The following SLC25A48 variants were observed in gnomAD, a reference collection of about 807,000 sequenced individuals.
SLC25A48 encodes solute carrier family 25 member 48, also known as CTC-321K16.1.
A neutral mutation model predicts 32.2 loss-of-function variants in SLC25A48; 29 were observed. That is an observed-to-expected ratio of 0.90 (90% CI 0.67 to 1.23). The LOEUF (loss-of-function observed/expected upper bound fraction) is 1.23, where lower values mean the gene tolerates loss of function less well. Among genes scored for constraint, SLC25A48 ranks in the 50% most tolerant of loss-of-function variants. The probability of loss-of-function intolerance (pLI) is 0.00; values close to 1 mark genes in which losing one functional copy is unlikely to be tolerated. For synonymous variants in SLC25A48, 164 were observed against 172.3 expected, an observed-to-expected ratio of 0.95 and a Z score of 0.38; for missense variants, 399 against 422.7, an observed-to-expected ratio of 0.94 and a Z score of 0.49.
chr5:135,683,680 C>T (rs753466839), intron 3 of SLC25A48, among the ~76,000 whole-genome samples: 2 of 152,162 alleles, frequency 1.3e-5, no homozygotes, highest in Admixed American at 1.3e-4. Context: ...GGTCATCCCA[C>T]CATCGTCAAA....
In SLC25A48 at chr5:135,695,241, C is replaced by T. The variant is rs1754238166; in HGVS notation, c.-521+60285C>T. Among the ~76,000 whole-genome samples the T allele has an allele frequency of 2.0e-5, 3 of 152,342 alleles. No homozygotes were observed. The South Asian group carries it at 6.2e-4, about 32-fold the overall frequency. On this transcript the variant is annotated intron_variant, in intron 3 of 10. Transcript: ENST00000646290. Reference sequence around the variant, plus strand: ...AGTCTGAGGTAGTGGCCTTCCCTTCCTCCAAAACCCTTCTGTGCTATTGCC... The same window carrying T: ...AGTCTGAGGTAGTGGCCTTCCCTTCTTCCAAAACCCTTCTGTGCTATTGCC...
At chr5:135,679,128 C>T (rs1753835390) in intron 3 of SLC25A48, among the ~76,000 whole-genome samples, 1 of 152,062 alleles carries the variant, frequency 6.6e-6, no homozygotes, top group African/African-American at 2.4e-5. Context: ...TGAGACTAAC[C>T]TCTGGGTCCC....
chr5:135,729,398 C>G (rs1326246100), intron 3 of SLC25A48, among the ~76,000 whole-genome samples: 1 of 151,630 alleles, frequency 6.6e-6, no homozygotes, highest in Non-Finnish European at 1.5e-5. Flanking sequence ...ATTTGCTTGA[C>G]TTTCTAGTGG....
intron 1 of SLC25A48, among the ~76,000 whole-genome samples, chr5:135,835,363 G>GA (rs146148125): frequency 0.14 from 21,121 of 152,196 alleles, 1,877 homozygotes; most frequent in Middle Eastern, 0.2. Context: ...CGACTGGAGG[G>GA]AGCAGAGCTC....
chr5:135,729,644 C>T (rs546055817), intron 3 of SLC25A48, among the ~76,000 whole-genome samples: 10 of 152,226 alleles, frequency 6.6e-5, no homozygotes, highest in African/African-American at 2.4e-4. Context: ...ATGATGACCC[C>T]ATGGATACCT....
intron 1 of SLC25A48, among the ~76,000 whole-genome samples, chr5:135,601,874 C>A (rs940580780): frequency 6.6e-6 from 1 of 152,332 alleles, no homozygotes; most frequent in South Asian, 2.1e-4. Context: ...TCAGTGACCC[C>A]GGGTGGTCAC....
chr5:135,703,353 A>G (rs1408523295), intron 3 of SLC25A48, among the ~76,000 whole-genome samples: 2 of 152,178 alleles, frequency 1.3e-5, no homozygotes, highest in Non-Finnish European at 2.9e-5. Flanking sequence ...ACGGCAGCCC[A>G]GTGAGGCCTC....
At chr5:135,724,947 C>A (rs1402927252) in intron 3 of SLC25A48, among the ~76,000 whole-genome samples, 1 of 152,246 alleles carries the variant, frequency 6.6e-6, no homozygotes, top group Non-Finnish European at 1.5e-5. Context: ...CAGGGCCCAG[C>A]CCAGCCTTGG....
intron 3 of SLC25A48, among the ~76,000 whole-genome samples, chr5:135,669,299 G>C (rs1753598071): frequency 6.6e-6 from 1 of 152,132 alleles, no homozygotes; most frequent in African/African-American, 2.4e-5. Flanking sequence ...CTGGGGCCTG[G>C]AGGTGGGAAA....
At chr5:135,634,950 C>T (rs901039002) in exon 3 of SLC25A48, 2 of 152,172 alleles carry the variant, frequency 1.3e-5, no homozygotes, top group African/African-American at 4.8e-5. Context: ...CAAGTGTCAC[C>T]CAGGCAGTGA....
intron 3 of SLC25A48, among the ~76,000 whole-genome samples, chr5:135,803,876 A>G (rs577520387): frequency 2.6e-5 from 4 of 151,742 alleles, no homozygotes; most frequent in African/African-American, 9.6e-5. Context: ...CCTCTGTGAT[A>G]TTAGGAGTAT....
chr5:135,809,211 A>T (rs1204434327), intron 3 of SLC25A48, among the ~76,000 whole-genome samples: 2 of 152,032 alleles, frequency 1.3e-5, no homozygotes, highest in African/African-American at 4.8e-5. Context: ...AGGCAGGAGG[A>T]TCACTTGAGC....
intron 3 of SLC25A48, among the ~76,000 whole-genome samples, chr5:135,809,729 A>G (rs1296713360): frequency 6.6e-6 from 1 of 152,244 alleles, no homozygotes; most frequent in Non-Finnish European, 1.5e-5. Flanking sequence ...AAATGGACCA[A>G]TACACAATAT....
intron 1 of SLC25A48, among the ~76,000 whole-genome samples, chr5:135,597,115 TACTTAA>T (rs1344355440): frequency 1.3e-5 from 2 of 152,246 alleles, no homozygotes; most frequent in African/African-American, 4.8e-5. Context: ...CTCAAGGTCA[TACTTAA>T]ACTTATAAGG....
intron 3 of SLC25A48, among the ~76,000 whole-genome samples, chr5:135,638,964 T>G (rs1372551341): frequency 2.0e-5 from 3 of 152,224 alleles, no homozygotes; most frequent in Non-Finnish European, 4.4e-5. Flanking sequence ...TTCTTTCAAA[T>G]TTTTGCTCTC....
intron 3 of SLC25A48, among the ~76,000 whole-genome samples, chr5:135,644,913 C>G (rs801566): frequency 0.76 from 115,800 of 152,074 alleles, 44,430 homozygotes; most frequent in East Asian, 1. Context: ...CTGGGCTTAC[C>G]TACAGTGGAA....
At chr5:135,884,727 T>G (rs1762656741) in intron 7 of SLC25A48, among the ~76,000 whole-genome samples, 1 of 152,156 alleles carries the variant, frequency 6.6e-6, no homozygotes, top group Non-Finnish European at 1.5e-5. Flanking sequence ...ATGTGTTTCT[T>G]AAGTCTGCCT....
chr5:135,881,539 C>A (rs1762472721), intron 7 of SLC25A48, among the ~76,000 whole-genome samples: 1 of 152,254 alleles, frequency 6.6e-6, no homozygotes, highest in East Asian at 1.9e-4. Context: ...AGGGTAGCAA[C>A]ACAGTTTACA....
At chr5:135,606,864 T>C (rs928380231) in intron 1 of SLC25A48, among the ~76,000 whole-genome samples, 1 of 152,232 alleles carries the variant, frequency 6.6e-6, no homozygotes, top group Non-Finnish European at 1.5e-5. Flanking sequence ...TTTGCTTTTA[T>C]AGTTCAGAGG....
Sources: gnomAD v4.1 joint callset for allele counts (sites outside exome capture counted in the v4.1 genomes callset) on GRCh38, gnomAD v4.1.1 for gene constraint, MANE v1.5 for transcripts, NCBI Gene and HGNC (gene_info 2026-07-23, HGNC 2026-07-21) for gene names.